The following CDH13 variants were observed in gnomAD, a reference collection of about 807,000 sequenced individuals.
The protein encoded by CDH13 is cadherin-13.
In CDH13, 24 loss-of-function variants were observed where a neutral mutation model predicts 63.8. That is an observed-to-expected ratio of 0.38 (90% CI 0.27 to 0.53). CDH13 has a LOEUF of 0.53. Ranked by LOEUF, CDH13 falls within the 20% of genes least tolerant of loss-of-function variation. CDH13 has a pLI of 0.85. For synonymous variants in CDH13, 503 were observed against 355.3 expected (o/e 1.42, Z -4.67); for missense variants, 1,049 against 903.1 (o/e 1.16, Z -2.07).
chr16:82,926,415 G>A (rs908472355), intron 2 of CDH13, among the ~76,000 whole-genome samples: 1 of 152,180 alleles, frequency 6.6e-6, no homozygotes, highest in East Asian at 1.9e-4. Context: ...ATCCTGAGTT[G>A]GAACACTGAT....
chr16:83,228,480 C>T (rs138515474), intron 5 of CDH13, among the ~76,000 whole-genome samples: 25 of 152,298 alleles, frequency 1.6e-4, no homozygotes, highest in Middle Eastern at 3.4e-3. Flanking sequence ...AAAGTCCACA[C>T]GCTAGCTGGG....
chr16:82,882,195 G>A (rs1047605735), intron 2 of CDH13, among the ~76,000 whole-genome samples: 1 of 152,112 alleles, frequency 6.6e-6, no homozygotes, highest in African/African-American at 2.4e-5. Context: ...TGTGAATAAA[G>A]CACACAAGTG....
chr16:83,598,790 C>G (rs190563511), intron 7 of CDH13, among the ~76,000 whole-genome samples: 7 of 152,296 alleles, frequency 4.6e-5, no homozygotes, highest in Non-Finnish European at 8.8e-5. Context: ...CCTTCATTCT[C>G]AGGTTGACTT....
intron 6 of CDH13, among the ~76,000 whole-genome samples, chr16:83,358,631 C>T (rs926068270): frequency 1.3e-5 from 2 of 152,168 alleles, no homozygotes; most frequent in Admixed American, 6.5e-5. Context: ...GACTATATGA[C>T]GTTGAGTCAA....
At chr16:82,695,527 G>C (rs1029010782) in intron 1 of CDH13, among the ~76,000 whole-genome samples, 2 of 152,116 alleles carry the variant, frequency 1.3e-5, no homozygotes, top group African/African-American at 4.8e-5. Context: ...CTTAGCTTTG[G>C]TGTGTGCTGC....
intron 9 of CDH13, among the ~76,000 whole-genome samples, chr16:83,673,937 C>G (rs1356680810): frequency 2.0e-5 from 3 of 152,174 alleles, no homozygotes; most frequent in Non-Finnish European, 2.9e-5. Context: ...AGTGAGTGGA[C>G]TTTCTTTGCT....
At chr16:82,912,288 T>C (rs1001468427) in intron 2 of CDH13, among the ~76,000 whole-genome samples, 58 of 152,238 alleles carry the variant, frequency 3.8e-4, no homozygotes, top group African/African-American at 1.3e-3. Flanking sequence ...ACGAATGGAC[T>C]CTGTCATACT....
chr16:82,945,344 G>C (rs1294885160), intron 2 of CDH13, among the ~76,000 whole-genome samples: 1 of 152,096 alleles, frequency 6.6e-6, no homozygotes, highest in East Asian at 1.9e-4. Flanking sequence ...TTTGGCTCTT[G>C]GACCATAGTT....
chr16:83,256,535 C>G (rs950677989), intron 5 of CDH13, among the ~76,000 whole-genome samples: 2 of 151,770 alleles, frequency 1.3e-5, no homozygotes, highest in African/African-American at 2.4e-5. Flanking sequence ...TCCCTGACCT[C>G]AAGAAGTTTC....
chr16:82,837,919 C>A (rs1488592838), intron 1 of CDH13, among the ~76,000 whole-genome samples: 2 of 152,232 alleles, frequency 1.3e-5, no homozygotes, highest in East Asian at 3.9e-4. Flanking sequence ...CAAGGGCCAG[C>A]CTTTCAGGCA....
chr16:83,431,367 T>C (rs2072102535), intron 6 of CDH13, among the ~76,000 whole-genome samples: 1 of 151,824 alleles, frequency 6.6e-6, no homozygotes, highest in South Asian at 2.1e-4. Context: ...CCTGGTCCTA[T>C]CTCCTTATCA....
intron 1 of CDH13, among the ~76,000 whole-genome samples, chr16:82,720,135 G>T (rs77112326): frequency 0.064 from 9,796 of 152,024 alleles, 339 homozygotes; most frequent in African/African-American, 0.074. Context: ...TAAGATAATC[G>T]TTTGCTCAAT....
intron 6 of CDH13, among the ~76,000 whole-genome samples, chr16:83,464,523 A>G (rs2073260412): frequency 6.6e-6 from 1 of 152,004 alleles, no homozygotes; most frequent in Non-Finnish European, 1.5e-5. Flanking sequence ...AAATAAATAA[A>G]TAAATTTTGT....
At chr16:82,712,599 C>A (rs138719908) in intron 1 of CDH13, among the ~76,000 whole-genome samples, 2,015 of 152,314 alleles carry the variant, frequency 0.013, 14 homozygotes, top group Non-Finnish European at 0.02. Context: ...TGGATGTCTA[C>A]AAAATGCAGC....
At chr16:83,360,038 C>A (rs775978535) in intron 6 of CDH13, among the ~76,000 whole-genome samples, 1 of 152,206 alleles carries the variant, frequency 6.6e-6, no homozygotes, top group Non-Finnish European at 1.5e-5. Flanking sequence ...AGTACGTGAT[C>A]CTTTCTGCCT....
chr16:82,876,401 G>A (rs1016277201), intron 2 of CDH13, among the ~76,000 whole-genome samples: 1 of 152,160 alleles, frequency 6.6e-6, no homozygotes, highest in African/African-American at 2.4e-5. Flanking sequence ...ATACGACATT[G>A]AAAGAACATG....
chr16:82,761,842 A>G (rs754706509), intron 1 of CDH13, among the ~76,000 whole-genome samples: 1 of 152,204 alleles, frequency 6.6e-6, no homozygotes, highest in Non-Finnish European at 1.5e-5. Context: ...ATGATTTTTT[A>G]TACACACACA....
intron 1 of CDH13, among the ~76,000 whole-genome samples, chr16:82,746,340 A>T (rs755081638): frequency 6.7e-5 from 10 of 149,376 alleles, no homozygotes; most frequent in Non-Finnish European, 1.2e-4. Flanking sequence ...ACTCAAATAG[A>T]GATGATAGTA....
intron 10 of CDH13, among the ~76,000 whole-genome samples, chr16:83,709,352 T>C (rs366389): frequency 0.28 from 42,657 of 152,170 alleles, 6,370 homozygotes; most frequent in Middle Eastern, 0.46. Flanking sequence ...GATATTAACC[T>C]TCATCTACTT....
Sources: gnomAD v4.1 joint callset for allele counts (sites outside exome capture counted in the v4.1 genomes callset) on GRCh38, gnomAD v4.1.1 for gene constraint, MANE v1.5 for transcripts, NCBI Gene and HGNC (gene_info 2026-07-23, HGNC 2026-07-21) for gene names.